Variants in ATP11C observed in about 807,000 individuals in gnomAD.
ATP11C encodes the protein ATPase phospholipid transporting 11C (ATP11C blood group).
In ATP11C, 36 loss-of-function variants were observed where a neutral mutation model predicts 97.4. That is an observed-to-expected ratio of 0.37 (90% CI 0.28 to 0.49). The LOEUF (loss-of-function observed/expected upper bound fraction) is 0.49. ATP11C is among the 20% of genes least tolerant of loss of function. The pLI, the probability that ATP11C is intolerant of heterozygous loss-of-function variation, is 0.98. For synonymous variants in ATP11C, 275 were observed against 290.9 expected (o/e 0.95, Z 0.56); for missense variants, 730 against 824.6 (o/e 0.89, Z 1.40).
chrX:139,853,250 G>C (rs1463199945), intron 1 of ATP11C, among the ~76,000 whole-genome samples: 4 of 110,510 alleles, frequency 3.6e-5, no homozygotes, highest in Non-Finnish European at 7.6e-5. Flanking sequence ...TAAGCGGCTG[G>C]CAGAGGCAAG....
chrX:139,902,798 G>A (rs949421757), intron 1 of ATP11C, among the ~76,000 whole-genome samples: 7 of 111,755 alleles, frequency 6.3e-5, no homozygotes, highest in African/African-American at 2.3e-4. Context: ...ACTGCTGCCT[G>A]CTATCTAGAC....
intron 23 of ATP11C, among the ~76,000 whole-genome samples, chrX:139,755,368 T>C (rs996516326): frequency 8.9e-6 from 1 of 112,129 alleles, no homozygotes; most frequent in African/African-American, 3.2e-5. Flanking sequence ...TTCCATGCTC[T>C]TGGATAGGAA....
intron 5 of ATP11C, among the ~76,000 whole-genome samples, chrX:139,807,056 A>AC (rs1430204256): frequency 1.8e-5 from 2 of 111,085 alleles, no homozygotes; most frequent in East Asian, 5.7e-4. Context: ...AGAAAGTCTT[A>AC]CCCTGAGGCT....
intron 29 of ATP11C, 38 bp downstream of exon 29, chrX:139,731,613 A>AT: frequency 1.1e-6 from 1 of 943,272 alleles, no homozygotes; most frequent in Non-Finnish European, 1.5e-6. Flanking sequence ...TGTTAATCCG[A>AT]TTTTTTAAAG....
intron 12 of ATP11C, among the ~76,000 whole-genome samples, chrX:139,794,669 A>G (rs1211525746): frequency 8.9e-6 from 1 of 111,993 alleles, no homozygotes; most frequent in Non-Finnish European, 1.9e-5. Flanking sequence ...CAGTATTAAC[A>G]TAGTCTAGAT....
intron 1 of ATP11C, among the ~76,000 whole-genome samples, chrX:139,891,197 CAAA>C (rs35280856): frequency 2.8e-5 from 1 of 35,498 alleles, no homozygotes; most frequent in Non-Finnish European, 5.0e-5. Flanking sequence ...AGAGATTGGC[CAAA>C]AAAAAAAAAA....
intron 5 of ATP11C, among the ~76,000 whole-genome samples, chrX:139,813,922 A>AAT (rs1356580106): frequency 9.0e-6 from 1 of 111,071 alleles, no homozygotes; most frequent in Admixed American, 9.6e-5. Flanking sequence ...AGTGACCCCT[A>AAT]ATATAATCTA....
At chrX:139,871,565 G>C (rs1191105760) in intron 1 of ATP11C, among the ~76,000 whole-genome samples, 1 of 99,998 alleles carries the variant, frequency 1.0e-5, no homozygotes, top group East Asian at 3.3e-4. Flanking sequence ...GGTTGTCCAG[G>C]CTAGAGTACA....
At chrX:139,833,021 G>A (rs2083682504) in intron 1 of ATP11C, among the ~76,000 whole-genome samples, 2 of 112,049 alleles carry the variant, frequency 1.8e-5, no homozygotes, top group Non-Finnish European at 3.8e-5. Context: ...TTTAAGAAGA[G>A]ATAAGAAACT....
intron 1 of ATP11C, among the ~76,000 whole-genome samples, chrX:139,835,768 C>A (rs2083737532): frequency 9.4e-6 from 1 of 106,070 alleles, no homozygotes; most frequent in Non-Finnish European, 1.9e-5. Flanking sequence ...GTGGCTCACA[C>A]CTATAATCCT....
intron 19 of ATP11C, among the ~76,000 whole-genome samples, chrX:139,771,629 CAG>C (rs967775147): frequency 9.0e-6 from 1 of 111,431 alleles, no homozygotes; most frequent in Non-Finnish European, 1.9e-5. Context: ...TGGTCTCAGA[CAG>C]AGATGAGGAA....
chrX:139,799,392 C>G (rs953505805), intron 8 of ATP11C, among the ~76,000 whole-genome samples: 1 of 111,020 alleles, frequency 9.0e-6, no homozygotes, highest in African/African-American at 3.3e-5. Flanking sequence ...AGCATTTTAC[C>G]CACTGCTTAC....
At chrX:139,827,121 C>A (rs751871037) in intron 1 of ATP11C, among the ~76,000 whole-genome samples, 7 of 112,044 alleles carry the variant, frequency 6.2e-5, no homozygotes, top group Non-Finnish European at 1.3e-4. Context: ...TTTCTTTCAT[C>A]CACAGCCCAA....
At chrX:139,791,878 CGT>C (rs1177765914) in intron 12 of ATP11C, among the ~76,000 whole-genome samples, 1 of 111,334 alleles carries the variant, frequency 9.0e-6, no homozygotes, top group African/African-American at 3.3e-5. Flanking sequence ...CCATCATTTG[CGT>C]GATATTGTAA....
At chrX:139,813,466 C>T (rs146326028) in intron 5 of ATP11C, among the ~76,000 whole-genome samples, 269 of 112,290 alleles carry the variant, frequency 2.4e-3, no homozygotes, top group African/African-American at 8.2e-3. Context: ...AAAACCTGCA[C>T]ACAAATGTTT....
At chrX:139,926,387 AT>A (rs1212590495) in intron 1 of ATP11C, among the ~76,000 whole-genome samples, 2 of 111,462 alleles carry the variant, frequency 1.8e-5, no homozygotes, top group Non-Finnish European at 3.8e-5. Flanking sequence ...ATGAGCCTTG[AT>A]TTTTTCCATC....
intron 1 of ATP11C, among the ~76,000 whole-genome samples, chrX:139,917,895 G>T (rs2085178298): frequency 1.1e-5 from 1 of 95,055 alleles, no homozygotes; most frequent in African/African-American, 4.0e-5. Context: ...AGCAGAGATT[G>T]CAGTGAGCAG....
chrX:139,738,784 C>A (rs2081496162), intron 27 of ATP11C, among the ~76,000 whole-genome samples: 1 of 110,441 alleles, frequency 9.1e-6, no homozygotes, highest in Non-Finnish European at 1.9e-5. Context: ...CTGAGCTGAA[C>A]CACAGAGAGC....
At chrX:139,884,702 GA>G (rs749483831) in intron 1 of ATP11C, among the ~76,000 whole-genome samples, 1 of 111,929 alleles carries the variant, frequency 8.9e-6, no homozygotes, top group South Asian at 3.7e-4. Context: ...GAGAAGGAGT[GA>G]AAAGTAGACA....
Sources: gnomAD v4.1 joint callset for allele counts (sites outside exome capture counted in the v4.1 genomes callset) on GRCh38, gnomAD v4.1.1 for gene constraint, MANE v1.5 for transcripts, NCBI Gene and HGNC (gene_info 2026-07-23, HGNC 2026-07-21) for gene names.